The following SMIM17 variants were observed in gnomAD, a reference collection of about 807,000 sequenced individuals.
The protein encoded by SMIM17 is small integral membrane protein 17.
Under a neutral mutation model 12.2 loss-of-function variants are expected in SMIM17, and 10 were observed. The observed-to-expected ratio is 0.82, with a 90% CI of 0.50 to 1.39. The LOEUF is 1.39. Among genes scored for constraint, SMIM17 ranks in the 40% most tolerant of loss-of-function variants. The pLI, the probability that SMIM17 is intolerant of heterozygous loss-of-function variation, is 0.00. For missense variants in SMIM17, 136 were observed against 118.2 expected (o/e 1.15, Z -0.70); for synonymous variants, 50 against 44.1 (o/e 1.13, Z -0.53).
intron 1 of SMIM17, among the ~76,000 whole-genome samples, chr19:56,645,045 A>G (rs903799037): frequency 6.6e-6 from 1 of 152,122 alleles, no homozygotes; most frequent in Non-Finnish European, 1.5e-5. Context: ...TTCCTATCCC[A>G]TTTGTTATAT....
intron 3 of SMIM17, among the ~76,000 whole-genome samples, chr19:56,648,100 TCCA>T (rs2045079590): frequency 7.2e-6 from 1 of 138,734 alleles, no homozygotes; most frequent in Non-Finnish European, 1.6e-5. Flanking sequence ...CATCCATCCA[TCCA>T]TCCCTATACT....
chr19:56,654,604 A>G lies in SMIM17; in HGVS notation c.247-499A>G, dbSNP rs535095217. 2.5e-4 allele frequency among the ~76,000 whole-genome samples: 38 copies of G among 152,116 alleles called. No individual in the cohort carries two copies. In the South Asian group the frequency reaches 7.7e-3, roughly 31 times the overall value. ...TGTCAGAAAGAGAGTCAAGGATACAACAATTGGAGGTCTGGAGGGGCCTGA... is the reference window on the plus strand; with the variant it reads ...TGTCAGAAAGAGAGTCAAGGATACAGCAATTGGAGGTCTGGAGGGGCCTGA... On this transcript the variant is annotated intron_variant, in intron 3 of 3. Transcript: ENST00000598409.
At chr19:56,650,010 G>T (rs1257141477) in intron 3 of SMIM17, among the ~76,000 whole-genome samples, 1 of 152,084 alleles carries the variant, frequency 6.6e-6, no homozygotes, top group African/African-American at 2.4e-5. Flanking sequence ...CACTCTGGGA[G>T]CCCATGTGGA....
intron 3 of SMIM17, among the ~76,000 whole-genome samples, chr19:56,649,358 C>A (rs988688362): frequency 6.6e-6 from 1 of 152,190 alleles, no homozygotes; most frequent in African/African-American, 2.4e-5. Flanking sequence ...GTGTTCAATG[C>A]ACAGAGTGTA....
chr19:56,644,311 GA>G (rs1413759442), intron 1 of SMIM17, among the ~76,000 whole-genome samples: 1 of 152,118 alleles, frequency 6.6e-6, no homozygotes, highest in East Asian at 1.9e-4. Flanking sequence ...TTCTTGCCCT[GA>G]AAAATGTCTA....
chr19:56,644,777 T>C (rs2045049148), intron 1 of SMIM17, among the ~76,000 whole-genome samples: 1 of 150,972 alleles, frequency 6.6e-6, no homozygotes, highest in Non-Finnish European at 1.5e-5. Context: ...CTTGATTGAC[T>C]CATTGATTGA....
intron 2 of SMIM17, 101 bp from the exon 3 acceptor site, chr19:56,647,457 T>G: frequency 1.4e-6 from 1 of 711,748 alleles, no homozygotes. Context: ...GAGAGGAGGC[T>G]ATTACTAGAA....
intron 1 of SMIM17, among the ~76,000 whole-genome samples, chr19:56,643,558 G>T (rs568970992): frequency 5.3e-5 from 8 of 152,270 alleles, no homozygotes; most frequent in African/African-American, 9.6e-5. Context: ...CGCTCGTCTC[G>T]CTGGGGCTTG....
chr19:56,645,186 T>C (rs1215545133), intron 1 of SMIM17, among the ~76,000 whole-genome samples: 1 of 144,978 alleles, frequency 6.9e-6, no homozygotes, highest in East Asian at 2.2e-4. Context: ...TTAGTCTATG[T>C]GAGTGTGTGT....
At chr19:56,650,561 T>C (rs1035117) in intron 3 of SMIM17, among the ~76,000 whole-genome samples, 100,717 of 152,074 alleles carry the variant, frequency 0.66, 33,482 homozygotes, top group East Asian at 0.86. Context: ...CTTGTGAGAT[T>C]GTTAGCATGG....
chr19:56,644,607 G>A lies in SMIM17; in HGVS notation c.-100-961G>A, dbSNP rs1267947952. On this transcript the variant is annotated intron_variant, in intron 1 of 3. Transcript: ENST00000598409. ...TGCATGGTGCAGCTTCTTCAGACAGGAGACCTGATCTCTCTTGCCCCACTC... is the reference window on the plus strand; with the variant it reads ...TGCATGGTGCAGCTTCTTCAGACAGAAGACCTGATCTCTCTTGCCCCACTC... 4.6e-5 allele frequency among the ~76,000 whole-genome samples: 7 copies of A among 152,154 alleles called. 1 individual carries two copies. The South Asian group carries it at 1.2e-3, about 27-fold the overall frequency.
intron 2 of SMIM17, among the ~76,000 whole-genome samples, chr19:56,647,072 C>G (rs1374635609): frequency 6.6e-6 from 1 of 152,100 alleles, no homozygotes; most frequent in Non-Finnish European, 1.5e-5. Context: ...CACTAAGGTT[C>G]TGACTATGGG....
rs1395960941 is a variant in SMIM17, at chr19:56,655,362, A to T, written c.*149A>T. The stretch of plus-strand genomic sequence containing the variant: ...CATCCTTTGAGATGATTTTTAAAAA[A>T]TTTTTGGTGTGAGTTTTCACATACT... On this transcript the variant is annotated 3_prime_UTR_variant, in exon 4 of 4. Coordinates refer to ENST00000598409, the MANE Select transcript of SMIM17 (RefSeq NM_001193628.2). 3 of 502,200 alleles carry T rather than the reference A, an allele frequency of 6.0e-6. No individual in the cohort carries two copies. The highest frequency in any genetic ancestry group is 1.1e-5 in the Non-Finnish European group (3 of 283,372). 31.1% of individuals were successfully genotyped at this position (502,200 alleles called of 1,614,324 possible).
chr19:56,655,954 G>GTTT lies in SMIM17; in HGVS notation c.*754_*756dup, dbSNP rs577062963. On this transcript the variant is annotated 3_prime_UTR_variant, in exon 4 of 4. Coordinates refer to ENST00000598409, the MANE Select transcript of SMIM17 (RefSeq NM_001193628.2). ...ATTTTGGCGAATTACAGAGGTTTTT[G>GTTT]TTTTTTTTTTTTTTTGAGACCGAGT... 2.2e-4 allele frequency among the ~76,000 whole-genome samples: 29 copies of GTTT among 133,142 alleles called. No individual in the cohort carries two copies. The highest frequency in any genetic ancestry group is 2.4e-4 in the South Asian group (1 of 4,182). 87.3% of individuals were successfully genotyped at this position (133,142 alleles called of 152,430 possible). A position where few individuals can be genotyped will look rare whatever the true frequency, so the allele number is the denominator to read the frequency against.
intron 3 of SMIM17, among the ~76,000 whole-genome samples, chr19:56,654,368 G>A (rs1369183341): frequency 6.6e-6 from 1 of 152,212 alleles, no homozygotes; most frequent in African/African-American, 2.4e-5. Context: ...AAGGAATGAC[G>A]TCAGCGTTAG....
At chr19:56,650,365 G>T (rs1034896458) in intron 3 of SMIM17, among the ~76,000 whole-genome samples, 2 of 152,002 alleles carry the variant, frequency 1.3e-5, no homozygotes, top group African/African-American at 4.8e-5. Flanking sequence ...GTAGAAATGG[G>T]GTTTCACCAT....
In SMIM17 at chr19:56,656,360, T is replaced by C. The variant is rs1195114120; in HGVS notation, c.*1147T>C. Among the ~76,000 whole-genome samples the C allele has an allele frequency of 3.3e-5, 5 of 152,060 alleles. No homozygotes were observed. The highest frequency in any genetic ancestry group is 7.4e-5 in the Non-Finnish European group (5 of 67,998). On this transcript the variant is annotated 3_prime_UTR_variant, in exon 4 of 4. Coordinates refer to ENST00000598409, the MANE Select transcript of SMIM17 (RefSeq NM_001193628.2). ...TTTCTCTTTATTTTGTTCTATCCCC[T>C]GTTTCCTGTAAACTGCTGTTTGTGG...
chr19:56,643,441 G>C (rs1412144454), intron 1 of SMIM17, among the ~76,000 whole-genome samples: 5 of 152,184 alleles, frequency 3.3e-5, no homozygotes, highest in South Asian at 2.1e-4. Context: ...CTGTTTCTCC[G>C]CAGCGGAGGT....
chr19:56,655,278 G>T lies in SMIM17; in HGVS notation c.*65G>T. ...AAATAGATGCCCTATGTCATGTTAA[G>T]GAATTGTGCTAGTTAAAAATCAGGA... On this transcript the variant is annotated 3_prime_UTR_variant, in exon 4 of 4. Coordinates refer to ENST00000598409, the MANE Select transcript of SMIM17 (RefSeq NM_001193628.2). 1.5e-6 allele frequency: 1 copy of T among 650,040 alleles called. No homozygotes were observed. The highest frequency in any genetic ancestry group is 2.8e-6 in the Non-Finnish European group (1 of 352,646). The allele number at this position is 650,040 out of a possible 1,614,324, so 40.3% of individuals were successfully genotyped here.
Sources: allele counts gnomAD v4.1 joint callset (sites outside exome capture counted in the v4.1 genomes callset), GRCh38; gene constraint gnomAD v4.1.1; transcripts MANE v1.5; gene names NCBI Gene and HGNC (gene_info 2026-07-23, HGNC 2026-07-21).